The following ABI2 variants were observed in gnomAD, a reference collection of about 807,000 sequenced individuals.
ABI2 encodes the protein abl interactor 2, also known as abelson interactor 2.
ABI2 carries 25 observed loss-of-function variants against 59.2 expected under a neutral mutation model. The ratio of observed to expected loss-of-function variants is 0.42; its 90% CI spans 0.31 to 0.59. The LOEUF (loss-of-function observed/expected upper bound fraction) is 0.59. ABI2 is among the 20% of genes least tolerant of loss of function. ABI2 has a pLI of 0.14. For missense variants in ABI2, 545 were observed against 681.8 expected (o/e 0.80, Z 2.23); for synonymous variants, 213 against 235.5 (o/e 0.90, Z 0.87).
intron 9 of ABI2, among the ~76,000 whole-genome samples, chr2:203,408,343 A>G (rs564838925): frequency 6.6e-6 from 1 of 151,734 alleles, no homozygotes; most frequent in African/African-American, 2.4e-5. Context: ...TTGTATTTTT[A>G]GTAGAGATGG....
In ABI2 at chr2:203,392,314, CCAACAACAACAACAA is replaced by C. The variant is rs150870167; in HGVS notation, c.578+1187_578+1201del. ...ACCACCACCACCACCACCACCACCA[CCAACAACAACAACAA>C]CAACAACAACAACAAAACAACCACA... On this transcript the variant is annotated intron_variant, in intron 5 of 11. Coordinates refer to ENST00000261018, the MANE Select transcript of ABI2 (RefSeq NM_001375670.1). Among the ~76,000 whole-genome samples the C allele has an allele frequency of 3.4e-3, 422 of 123,176 alleles. 32 individuals carry two copies. The highest frequency in any genetic ancestry group is 0.011 in the Middle Eastern group (3 of 264). 80.8% of individuals were successfully genotyped at this position (123,176 alleles called of 152,430 possible). A position where few individuals can be genotyped will look rare whatever the true frequency, so the allele number is the denominator to read the frequency against.
At chr2:203,343,424 G>A (rs2081259273) in intron 1 of ABI2, among the ~76,000 whole-genome samples, 2 of 152,188 alleles carry the variant, frequency 1.3e-5, no homozygotes, top group South Asian at 2.1e-4. Context: ...TTATGTGCAT[G>A]TAATGACAAG....
Position 203,328,728 on chromosome 2 carries a change from C to T in ABI2, c.117+97C>T, listed in dbSNP as rs1319830831. 5.8e-6 allele frequency: 4 copies of T among 688,106 alleles called. 1 individual carries two copies. The highest frequency in any genetic ancestry group is 5.3e-5 in the South Asian group (2 of 37,940). 42.6% of individuals were successfully genotyped at this position (688,106 alleles called of 1,614,324 possible). On this transcript the variant is annotated intron_variant, in intron 1 of 11. Transcript: ENST00000261018. Reference sequence around the variant, plus strand: ...CCGAGGCCGCCTCGGGGACACGGCCCAGCGGAGCCCCCGATGGGGGTGGGG... The same window carrying T: ...CCGAGGCCGCCTCGGGGACACGGCCTAGCGGAGCCCCCGATGGGGGTGGGG...
Position 203,356,161 on chromosome 2 carries a change from G to GA in ABI2, c.118-10715dup, listed in dbSNP as rs532576943. Reference sequence around the variant, plus strand: ...GCACACTTAATGAGTGCAGTTAGTGGAGACATACTTTTCAGGTCTGAAAAA... The same window carrying GA: ...GCACACTTAATGAGTGCAGTTAGTGGAAGACATACTTTTCAGGTCTGAAAAA... On this transcript the variant is annotated intron_variant, in intron 1 of 11. Transcript: ENST00000261018. Among the ~76,000 whole-genome samples, 13 of 152,026 alleles carry GA rather than the reference G, an allele frequency of 8.6e-5. No homozygotes were observed. In the South Asian group the frequency reaches 2.7e-3, roughly 32 times the overall value.
intron 1 of ABI2, among the ~76,000 whole-genome samples, chr2:203,363,998 A>C (rs546396586): frequency 6.6e-6 from 1 of 151,886 alleles, no homozygotes; most frequent in African/African-American, 2.4e-5. Flanking sequence ...GCCTGACCTC[A>C]GGTGATCTGC....
intron 3 of ABI2, among the ~76,000 whole-genome samples, chr2:203,381,388 C>G (rs1017779384): frequency 6.6e-6 from 1 of 152,116 alleles, no homozygotes; most frequent in Non-Finnish European, 1.5e-5. Context: ...GTGATCTTCC[C>G]TTGTCAGCTT....
chr2:203,425,949 A>G (rs1181936481), intron 11 of ABI2, among the ~76,000 whole-genome samples: 2 of 152,006 alleles, frequency 1.3e-5, no homozygotes, highest in South Asian at 2.1e-4. Context: ...TGAACCTGGG[A>G]CATGGAGGTT....
At chr2:203,328,850 G>T in intron 1 of ABI2, 1 of 348,138 alleles carries the variant, frequency 2.9e-6, no homozygotes, top group Non-Finnish European at 5.2e-6. Context: ...AGCAGTTCTC[G>T]GCGTGGTGCG....
At chr2:203,338,983 A>ATAAATATAT (rs2078175801) in intron 1 of ABI2, among the ~76,000 whole-genome samples, 1 of 12,338 alleles carries the variant, frequency 8.1e-5, no homozygotes, top group African/African-American at 2.6e-4. Flanking sequence ...TATATATATA[A>ATAAATATAT]ATATATATAT....
intron 9 of ABI2, among the ~76,000 whole-genome samples, chr2:203,408,213 A>T (rs2097514332): frequency 6.8e-6 from 1 of 147,758 alleles, no homozygotes; most frequent in Admixed American, 6.9e-5. Flanking sequence ...CCCAGGCTGG[A>T]GTGCAATGGC....
chr2:203,389,066 AAATT>A (rs2096643391), intron 4 of ABI2, among the ~76,000 whole-genome samples: 1 of 152,204 alleles, frequency 6.6e-6, no homozygotes, highest in Non-Finnish European at 1.5e-5. Flanking sequence ...CTGGTTTCAG[AAATT>A]AAGATATGCA....
intron 1 of ABI2, among the ~76,000 whole-genome samples, chr2:203,337,821 A>T (rs2077147750): frequency 6.6e-6 from 1 of 152,208 alleles, no homozygotes; most frequent in African/African-American, 2.4e-5. Flanking sequence ...ACCTGAGGTC[A>T]GGAGTTCAAG....
At chr2:203,329,552 A>C (rs2071434181) in intron 1 of ABI2, among the ~76,000 whole-genome samples, 1 of 151,918 alleles carries the variant, frequency 6.6e-6, no homozygotes, top group Non-Finnish European at 1.5e-5. Context: ...TGCAAAATCT[A>C]AAATCTTTTG....
At chr2:203,331,560 T>A (rs147305038) in intron 1 of ABI2, among the ~76,000 whole-genome samples, 1 of 151,862 alleles carries the variant, frequency 6.6e-6, no homozygotes, top group Admixed American at 6.6e-5. Context: ...GATTTCCCCA[T>A]TTTGGCCAGG....
rs1433500894 is a variant in ABI2, at chr2:203,431,091, T to C, written c.*3739T>C. On this transcript the variant is annotated 3_prime_UTR_variant, in exon 12 of 12. Coordinates refer to ENST00000261018, the MANE Select transcript of ABI2 (RefSeq NM_001375670.1). ...TGACAAGTCTTTGAAAAGAATGGGA[T>C]CTGCTCACTTCTGGTCTTTTTGGCC... The C allele has an allele frequency of 6.6e-6, 1 of 152,222 alleles. No individual in the cohort carries two copies. The highest frequency in any genetic ancestry group is 2.4e-5 in the African/African-American group (1 of 41,462). The allele number at this position is 152,222 out of a possible 1,614,324, so 9.4% of individuals were successfully genotyped here.
intron 1 of ABI2, among the ~76,000 whole-genome samples, chr2:203,340,210 A>G (rs1429960949): frequency 2.0e-5 from 3 of 152,232 alleles, no homozygotes; most frequent in South Asian, 4.1e-4. Context: ...ATCTGCTTCT[A>G]TTATCGGCCA....
At chr2:203,375,723 TTCTA>T (rs1424509963) in intron 2 of ABI2, among the ~76,000 whole-genome samples, 1 of 152,216 alleles carries the variant, frequency 6.6e-6, no homozygotes, top group East Asian at 1.9e-4. Context: ...GTGTTTATTA[TTCTA>T]TCTAATTTGA....
At chr2:203,365,734 G>A (rs928057906) in intron 1 of ABI2, among the ~76,000 whole-genome samples, 2 of 137,900 alleles carry the variant, frequency 1.5e-5, no homozygotes, top group African/African-American at 2.7e-5. Context: ...GGTTCACACT[G>A]TTCTCCTACC....
chr2:203,406,522 A>G (rs1579875448), intron 9 of ABI2, among the ~76,000 whole-genome samples: 1 of 152,228 alleles, frequency 6.6e-6, no homozygotes, highest in South Asian at 2.1e-4. Flanking sequence ...CAATGTTGGG[A>G]TGGTGCTGTT....
Sources: gnomAD v4.1 joint callset for allele counts (sites outside exome capture counted in the v4.1 genomes callset) on GRCh38, gnomAD v4.1.1 for gene constraint, MANE v1.5 for transcripts, NCBI Gene and HGNC (gene_info 2026-07-23, HGNC 2026-07-21) for gene names.